Variants in SV2B observed in about 807,000 individuals in gnomAD.
The protein encoded by SV2B is synaptic vesicle glycoprotein 2B, also known as solute carrier family 22 member B2.
Under a neutral mutation model 73.9 loss-of-function variants are expected in SV2B, and 41 were observed. The observed-to-expected ratio is 0.56, with a 90% CI of 0.43 to 0.72. The LOEUF (loss-of-function observed/expected upper bound fraction) is 0.72. Ranked by LOEUF, SV2B falls within the 30% of genes least tolerant of loss-of-function variation. The probability of loss-of-function intolerance (pLI) is 0.00; values close to 1 mark genes in which losing one functional copy is unlikely to be tolerated. For missense variants in SV2B, 764 were observed against 857.8 expected (o/e 0.89, Z 1.37); for synonymous variants, 314 against 314.2 (o/e 1.00, Z 0.01).
At chr15:91,168,255 C>T (rs909127124) in intron 1 of SV2B, among the ~76,000 whole-genome samples, 4 of 150,422 alleles carry the variant, frequency 2.7e-5, no homozygotes, top group African/African-American at 7.3e-5. Flanking sequence ...TGCACAGTTC[C>T]ACACTTTTTG....
At chr15:91,255,019 T>C (rs1354375278) in intron 4 of SV2B, among the ~76,000 whole-genome samples, 7 of 152,160 alleles carry the variant, frequency 4.6e-5, no homozygotes, top group Admixed American at 3.9e-4. Flanking sequence ...TCCACTTCCT[T>C]CCCCATCCCT....
chr15:91,208,303 G>A (rs59252241), intron 1 of SV2B, among the ~76,000 whole-genome samples: 5,223 of 152,168 alleles, frequency 0.034, 248 homozygotes, highest in East Asian at 0.12. Flanking sequence ...ACAGCTTGCA[G>A]ATAACCTCTT....
At position 91,253,937 on chromosome 15, in the gene SV2B, A is replaced by C. The variant is rs2047584898; in HGVS notation, c.784+1417A>C. On this transcript the variant is annotated intron_variant, in intron 4 of 12. Transcript: ENST00000394232. The surrounding 1 kb of genome is among the most constrained non-coding windows in gnomAD (Gnocchi z 5.0). The stretch of plus-strand genomic sequence containing the variant: ...CACTGGATTTTATATCAGAAACAGA[A>C]AAAATATGAAAAGGAATAGTGAAAT... Among the ~76,000 whole-genome samples the C allele has an allele frequency of 6.6e-6, 1 of 152,198 alleles. No individual in the cohort carries two copies. The highest frequency in any genetic ancestry group is 1.5e-5 in the Non-Finnish European group (1 of 68,044).
intron 1 of SV2B, among the ~76,000 whole-genome samples, chr15:91,180,915 G>T (rs551680932): frequency 3.3e-5 from 5 of 152,230 alleles, no homozygotes; most frequent in Non-Finnish European, 7.3e-5. Flanking sequence ...TCTCTGTCCA[G>T]CTTTGTTCCG....
chr15:91,123,759 G>A lies in SV2B; in HGVS notation c.-392+23396G>A, dbSNP rs1387584487. Among the ~76,000 whole-genome samples, 10 of 152,148 alleles carry A rather than the reference G, an allele frequency of 6.6e-5. No individual in the cohort carries two copies. Among genetic ancestry groups the A allele is most frequent in the South Asian group, 2.1e-4 (1 of 4,818 alleles). ...TGCACTACTCCTTTCTCTATTCTGG[G>A]CGTGTCTTCACTGAAGGTCTCCAGA... On this transcript the variant is annotated intron_variant, in intron 1 of 12. Coordinates refer to ENST00000394232, the MANE Select transcript of SV2B (RefSeq NM_001323032.3). This position sits in a 1 kb window ranked among gnomAD's most constrained non-coding sequence, Gnocchi z 4.7.
intron 1 of SV2B, among the ~76,000 whole-genome samples, chr15:91,167,779 T>C (rs1427273902): frequency 6.6e-6 from 1 of 152,244 alleles, no homozygotes; most frequent in Non-Finnish European, 1.5e-5. Flanking sequence ...TTCTTTATCC[T>C]ACCACAAATT....
rs962736512 is a variant in SV2B, at chr15:91,118,942, G to A, written c.-392+18579G>A. Among the ~76,000 whole-genome samples the A allele has an allele frequency of 6.6e-6, 1 of 152,130 alleles. No individual in the cohort carries two copies. Among genetic ancestry groups the A allele is most frequent in the Non-Finnish European group, 1.5e-5 (1 of 68,032 alleles). On this transcript the variant is annotated intron_variant, in intron 1 of 12. Coordinates refer to ENST00000394232, the MANE Select transcript of SV2B (RefSeq NM_001323032.3). The surrounding 1 kb of genome is among the most constrained non-coding windows in gnomAD (Gnocchi z 4.7). Reference sequence around the variant, plus strand: ...TATATACTGGTGAATGAGCTGTCTCGGCTTGGAGGCAGGGCCTGTGGGGGT... The same window carrying A: ...TATATACTGGTGAATGAGCTGTCTCAGCTTGGAGGCAGGGCCTGTGGGGGT...
At chr15:91,135,858 G>A (rs1029041988) in intron 1 of SV2B, among the ~76,000 whole-genome samples, 1 of 152,122 alleles carries the variant, frequency 6.6e-6, no homozygotes, top group Non-Finnish European at 1.5e-5. Context: ...CATGAAGCCT[G>A]AATTGTAACC....
At chr15:91,255,092 G>A (rs1026527456) in intron 4 of SV2B, among the ~76,000 whole-genome samples, 1 of 152,196 alleles carries the variant, frequency 6.6e-6, no homozygotes, top group Non-Finnish European at 1.5e-5. Context: ...GTGAAGAAAA[G>A]GCAGGAGGAT....
chr15:91,218,305 A>G (rs2046102686), intron 1 of SV2B, among the ~76,000 whole-genome samples: 1 of 152,132 alleles, frequency 6.6e-6, no homozygotes, highest in South Asian at 2.1e-4. Flanking sequence ...AGAGATAAGG[A>G]TATTCTTTTC....
At chr15:91,158,670 T>TCTTCC (rs2043581583) in intron 1 of SV2B, among the ~76,000 whole-genome samples, 1 of 59,674 alleles carries the variant, frequency 1.7e-5, no homozygotes, top group African/African-American at 6.7e-5. Context: ...TCTTCTCTTC[T>TCTTCC]CTTCTCTTCT....
At chr15:91,228,751 G>A (rs1156510177) in intron 2 of SV2B, among the ~76,000 whole-genome samples, 1 of 152,240 alleles carries the variant, frequency 6.6e-6, no homozygotes, top group Admixed American at 6.5e-5. Context: ...CCCAAGTGGA[G>A]AAGGCAGACC....
chr15:91,221,204 C>T (rs139864867), intron 1 of SV2B, among the ~76,000 whole-genome samples: 4 of 152,206 alleles, frequency 2.6e-5, no homozygotes, highest in East Asian at 3.9e-4. Context: ...GCTATTAGAT[C>T]GGATTTAAAT....
rs887572805 is a variant in SV2B, at chr15:91,215,147, G to C, written c.-391-10726G>C. Among the ~76,000 whole-genome samples the C allele has an allele frequency of 9.2e-5, 14 of 152,314 alleles. No homozygotes were observed. In the South Asian group the frequency reaches 2.9e-3, roughly 32 times the overall value. The stretch of plus-strand genomic sequence containing the variant: ...TGGTTGGGCATCTCCACAAGTCCAA[G>C]CACCAGCCCCTCATCCCCTTCCCTA... On this transcript the variant is annotated intron_variant, in intron 1 of 12. Coordinates refer to ENST00000394232, the MANE Select transcript of SV2B (RefSeq NM_001323032.3).
chr15:91,138,720 C>G (rs1849026299), intron 1 of SV2B, among the ~76,000 whole-genome samples: 2 of 152,132 alleles, frequency 1.3e-5, no homozygotes, highest in Admixed American at 6.6e-5. Flanking sequence ...TACAGGAAGA[C>G]CTGCATACAT....
Position 91,229,407 on chromosome 15 carries a change from A to G in SV2B, c.451+2693A>G, listed in dbSNP as rs2046487524. ...GCAACCAGCGCTTGTTGCCCTCTCA[A>G]CAATGATTAGTTCTCGTTACTTTAT... On this transcript the variant is annotated intron_variant, in intron 2 of 12. Transcript: ENST00000394232. The surrounding 1 kb of genome is among the most constrained non-coding windows in gnomAD (Gnocchi z 4.3). Among the ~76,000 whole-genome samples the G allele has an allele frequency of 6.6e-6, 1 of 152,200 alleles. No individual in the cohort carries two copies. The highest frequency in any genetic ancestry group is 2.4e-5 in the African/African-American group (1 of 41,434).
Position 91,281,926 on chromosome 15 carries a change from C to A in SV2B, c.1507+65C>A. On this transcript the variant is annotated intron_variant, in intron 10 of 12. Transcript: ENST00000394232. This position sits in a 1 kb window ranked among gnomAD's most constrained non-coding sequence, Gnocchi z 4.7. ...GAGACAACTTGTGTTGTCCAAGAAT[C>A]AAAATGGTCAGGCATAAACTTTAGG... is the stretch of plus-strand genomic sequence containing the variant. The A allele has an allele frequency of 6.6e-7, 1 of 1,520,092 alleles. No homozygotes were observed. Among genetic ancestry groups the A allele is most frequent in the South Asian group, 1.3e-5 (1 of 77,708 alleles). The allele number at this position is 1,520,092 out of a possible 1,614,324, so 94.2% of individuals were successfully genotyped here.
At chr15:91,193,653 A>G (rs1025772412) in intron 1 of SV2B, among the ~76,000 whole-genome samples, 2 of 152,236 alleles carry the variant, frequency 1.3e-5, no homozygotes, top group African/African-American at 4.8e-5. Flanking sequence ...AGCAGCTTTC[A>G]TCTTCTCAAA....
At chr15:91,272,762 C>T (rs921040618) in intron 9 of SV2B, among the ~76,000 whole-genome samples, 4 of 151,126 alleles carry the variant, frequency 2.6e-5, no homozygotes, top group African/African-American at 7.3e-5. Flanking sequence ...GTTGCTGTCA[C>T]GCATCACACT....
Sources: allele counts gnomAD v4.1 joint callset (sites outside exome capture counted in the v4.1 genomes callset), GRCh38; gene constraint gnomAD v4.1.1; non-coding constraint Gnocchi (gnomAD v3.1); transcripts MANE v1.5; gene names NCBI Gene and HGNC (gene_info 2026-07-23, HGNC 2026-07-21).